Variants in ZEB1 observed in about 807,000 individuals in gnomAD.
ZEB1 encodes zinc finger E-box-binding homeobox 1.
A neutral mutation model predicts 84.9 loss-of-function variants in ZEB1; 21 were observed. The ratio of observed to expected loss-of-function variants is 0.25; its 90% CI spans 0.18 to 0.36. The LOEUF is 0.36. ZEB1 is among the 10% of genes least tolerant of loss of function. ZEB1 has a pLI of 1.00. For missense variants in ZEB1, 1,104 were observed against 1,330.2 expected, an observed-to-expected ratio of 0.83 and a Z score of 2.65; for synonymous variants, 420 against 471.1, an observed-to-expected ratio of 0.89 and a Z score of 1.41.
intron 2 of ZEB1, 82 bp downstream of exon 2, chr10:31,461,319 T>A (rs1291063142): frequency 7.2e-7 from 1 of 1,394,180 alleles, no homozygotes; most frequent in Non-Finnish European, 9.9e-7. Context: ...ATAAATTGGA[T>A]GAAAAGTTTG....
Position 31,495,724 on chromosome 10 carries a change from C to T in ZEB1, c.260-52C>T, listed in dbSNP as rs368369407. 268 of 1,591,816 alleles carry T rather than the reference C, an allele frequency of 1.7e-4. 2 individuals are homozygous for T. The African/African-American group carries it at 3.3e-3, about 19-fold the overall frequency. On this transcript the variant is annotated intron_variant, in intron 2 of 8. Transcript: ENST00000424869. Reference sequence around the variant, plus strand: ...TCCAAAACTTTAAACATTTGTCTTTCGTTTGTATTAGGAACACTATAGATC... The same window carrying T: ...TCCAAAACTTTAAACATTTGTCTTTTGTTTGTATTAGGAACACTATAGATC...
chr10:31,379,145 CAGA>C (rs1408312682), intron 1 of ZEB1, among the ~76,000 whole-genome samples: 4 of 152,052 alleles, frequency 2.6e-5, no homozygotes, highest in African/African-American at 9.6e-5. Flanking sequence ...CAGTTAGTTA[CAGA>C]AGGACTCATT....
intron 1 of ZEB1, among the ~76,000 whole-genome samples, chr10:31,422,636 C>CA (rs927807492): frequency 2.0e-5 from 3 of 152,020 alleles, no homozygotes; most frequent in African/African-American, 4.8e-5. Context: ...ATGTACTTTT[C>CA]AAAAAATCTA....
At chr10:31,440,393 G>C (rs2058781455) in intron 1 of ZEB1, among the ~76,000 whole-genome samples, 1 of 152,090 alleles carries the variant, frequency 6.6e-6, no homozygotes, top group Non-Finnish European at 1.5e-5. Flanking sequence ...ATTAGGTATT[G>C]ATGGGACGTA....
At chr10:31,374,112 A>G (rs1222250949) in intron 1 of ZEB1, among the ~76,000 whole-genome samples, 1 of 151,856 alleles carries the variant, frequency 6.6e-6, no homozygotes, top group Non-Finnish European at 1.5e-5. Context: ...TGTGATAACA[A>G]GGTAATGGCT....
chr10:31,443,139 T>C (rs2059243531), intron 1 of ZEB1, among the ~76,000 whole-genome samples: 1 of 152,218 alleles, frequency 6.6e-6, no homozygotes, highest in Non-Finnish European at 1.5e-5. Flanking sequence ...GTTACTGAGG[T>C]TGAGCATCTT....
intron 1 of ZEB1, among the ~76,000 whole-genome samples, chr10:31,362,566 G>A (rs1445611887): frequency 1.3e-5 from 2 of 151,020 alleles, no homozygotes; most frequent in East Asian, 2.0e-4. Context: ...CAGACTGTGA[G>A]GCTGCTGGGC....
intron 1 of ZEB1, among the ~76,000 whole-genome samples, chr10:31,362,082 G>A (rs2043263757): frequency 6.6e-6 from 1 of 151,318 alleles, no homozygotes; most frequent in African/African-American, 2.4e-5. Flanking sequence ...ACACGGTGAG[G>A]AGGCCGGGCA....
At chr10:31,518,204 T>C (rs1256711248) in intron 6 of ZEB1, among the ~76,000 whole-genome samples, 1 of 152,160 alleles carries the variant, frequency 6.6e-6, no homozygotes, top group Non-Finnish European at 1.5e-5. Context: ...ATTTTGAGAA[T>C]TGAATCCTAT....
intron 6 of ZEB1, among the ~76,000 whole-genome samples, chr10:31,517,081 C>G (rs172683): frequency 6.6e-6 from 1 of 152,050 alleles, no homozygotes; most frequent in African/African-American, 2.4e-5. Flanking sequence ...ACAAAGCCAA[C>G]TGGTCATTCA....
At chr10:31,506,244 G>T (rs182669241) in intron 4 of ZEB1, among the ~76,000 whole-genome samples, 3 of 152,022 alleles carry the variant, frequency 2.0e-5, no homozygotes, top group Non-Finnish European at 4.4e-5. Flanking sequence ...GTATCCTTTA[G>T]TAGTTGGTTA....
intron 1 of ZEB1, chr10:31,320,145 C>T (rs2033480432): frequency 6.6e-6 from 1 of 151,890 alleles, no homozygotes; most frequent in South Asian, 2.1e-4. Context: ...GCGGCGAGCC[C>T]CGCGAGTGGG....
At chr10:31,482,594 C>G (rs1394487562) in intron 2 of ZEB1, among the ~76,000 whole-genome samples, 3 of 151,806 alleles carry the variant, frequency 2.0e-5, no homozygotes, top group Admixed American at 2.0e-4. Context: ...GTGATTATGT[C>G]ATGTTCTCTT....
intron 1 of ZEB1, among the ~76,000 whole-genome samples, chr10:31,390,207 C>T: frequency 6.6e-6 from 1 of 152,174 alleles, no homozygotes; most frequent in East Asian, 1.9e-4. Flanking sequence ...TCAAATTTGA[C>T]TGGGTGTCCT....
At chr10:31,393,044 C>T (rs561616191) in intron 1 of ZEB1, among the ~76,000 whole-genome samples, 5 of 152,182 alleles carry the variant, frequency 3.3e-5, no homozygotes, top group African/African-American at 9.6e-5. Context: ...CATCATGTTG[C>T]CCAGGCTGGT....
chr10:31,434,483 T>C (rs1005397509), intron 1 of ZEB1, among the ~76,000 whole-genome samples: 1 of 152,244 alleles, frequency 6.6e-6, no homozygotes, highest in Non-Finnish European at 1.5e-5. Context: ...AATAAACATA[T>C]ATTTCACAGC....
At chr10:31,373,504 A>G (rs1439751503) in intron 1 of ZEB1, among the ~76,000 whole-genome samples, 1 of 151,838 alleles carries the variant, frequency 6.6e-6, no homozygotes, top group Non-Finnish European at 1.5e-5. Flanking sequence ...CTGAAGTTTA[A>G]CTTCTAAAAA....
At position 31,470,185 on chromosome 10, in the gene ZEB1, C is replaced by T. The variant is rs187122214; in HGVS notation, c.259+8948C>T. Among the ~76,000 whole-genome samples the T allele has an allele frequency of 5.7e-3, 873 of 152,362 alleles. 7 individuals are homozygous for T. The highest frequency in any genetic ancestry group is 0.02 in the African/African-American group (838 of 41,568). On this transcript the variant is annotated intron_variant, in intron 2 of 8. Coordinates refer to ENST00000424869, the MANE Select transcript of ZEB1 (RefSeq NM_001174096.2). Reference sequence around the variant, plus strand: ...CCTCCTCCAAAGGAACGCAATTCCTCACCAGCAATGGAACAAAGCTGGACG... The same window carrying T: ...CCTCCTCCAAAGGAACGCAATTCCTTACCAGCAATGGAACAAAGCTGGACG...
At chr10:31,410,331 C>T (rs149002966) in intron 1 of ZEB1, among the ~76,000 whole-genome samples, 243 of 151,656 alleles carry the variant, frequency 1.6e-3, no homozygotes, top group Middle Eastern at 0.014. Flanking sequence ...GCATGTGTTG[C>T]AGCTTCATCC....
Sources: allele counts gnomAD v4.1 joint callset (sites outside exome capture counted in the v4.1 genomes callset), GRCh38; gene constraint gnomAD v4.1.1; transcripts MANE v1.5; gene names NCBI Gene and HGNC (gene_info 2026-07-23, HGNC 2026-07-21).